Variants in GALNT9 observed in about 807,000 individuals in gnomAD.
GALNT9 encodes GalNAc transferase 9.
A neutral mutation model predicts 63.1 loss-of-function variants in GALNT9; 47 were observed. That is an observed-to-expected ratio of 0.75 (90% CI 0.59 to 0.95). The LOEUF (loss-of-function observed/expected upper bound fraction) is 0.95. Ranked by LOEUF, GALNT9 falls within the 40% of genes least tolerant of loss-of-function variation. The probability of loss-of-function intolerance (pLI) is 0.00; values close to 1 mark genes in which losing one functional copy is unlikely to be tolerated. For synonymous variants in GALNT9, 396 were observed against 365.7 expected, an observed-to-expected ratio of 1.08 and a Z score of -0.94; for missense variants, 829 against 874.8, an observed-to-expected ratio of 0.95 and a Z score of 0.66.
In GALNT9 at chr12:132,282,213, C is replaced by A. The variant is rs1555241732; in HGVS notation, c.419+4037G>T. Among the ~76,000 whole-genome samples the A allele has an allele frequency of 6.8e-6, 1 of 148,054 alleles. No individual in the cohort carries two copies. Among genetic ancestry groups the A allele is most frequent in the Non-Finnish European group, 1.5e-5 (1 of 67,592 alleles). On this transcript the variant is annotated intron_variant, in intron 2 of 10. Transcript: ENST00000328957. This position sits in a 1 kb window ranked among gnomAD's most constrained non-coding sequence, Gnocchi z 4.5. ...GTCCCTGATCCCACAGAAGAGGAAT[C>A]AGCTCCACTGCAGCAAGGCCAGGCC...
intron 1 of GALNT9, among the ~76,000 whole-genome samples, chr12:132,299,852 C>G (rs1198139239): frequency 1.3e-4 from 18 of 134,424 alleles, no homozygotes; most frequent in East Asian, 1.0e-3. Flanking sequence ...AGATGACCAA[C>G]CCACTCCTGA....
chr12:132,254,846 A>G (rs1287529626), intron 5 of GALNT9, among the ~76,000 whole-genome samples: 1 of 152,198 alleles, frequency 6.6e-6, no homozygotes, highest in Non-Finnish European at 1.5e-5. Flanking sequence ...AATGATAAAC[A>G]ATACAGGACA....
At chr12:132,314,741 G>C (rs1277833375) in intron 1 of GALNT9, among the ~76,000 whole-genome samples, 1 of 152,190 alleles carries the variant, frequency 6.6e-6, no homozygotes, top group African/African-American at 2.4e-5. Flanking sequence ...TGCACAGTAT[G>C]GCAGTCATTC....
rs181072269 is a variant in GALNT9 at position 132,318,294 on chromosome 12, C to A, written c.238+10672G>T. Among the ~76,000 whole-genome samples the A allele has an allele frequency of 1.7e-3, 258 of 152,380 alleles. 1 individual carries two copies. Among genetic ancestry groups the A allele is most frequent in the African/African-American group, 6.0e-3 (251 of 41,592 alleles). On this transcript the variant is annotated intron_variant, in intron 1 of 10. Coordinates refer to ENST00000328957, the MANE Select transcript of GALNT9 (RefSeq NM_001122636.2). ...GGCGGCAGGACGCTGACCAAGAACG[C>A]TGGATGATGCATGGGGCTGGGCGGG...
At chr12:132,324,111 TC>T (rs1868923878) in intron 1 of GALNT9, among the ~76,000 whole-genome samples, 2 of 152,174 alleles carry the variant, frequency 1.3e-5, no homozygotes. Flanking sequence ...AAACCGCACT[TC>T]CTAGCAAGGA....
At chr12:132,317,859 G>A (rs1868594792) in intron 1 of GALNT9, among the ~76,000 whole-genome samples, 1 of 152,216 alleles carries the variant, frequency 6.6e-6, no homozygotes, top group Admixed American at 6.5e-5. Context: ...CGGTCGACCT[G>A]GCACCTCTAG....
chr12:132,299,836 C>T (rs1324733165), intron 1 of GALNT9, among the ~76,000 whole-genome samples: 2 of 124,976 alleles, frequency 1.6e-5, no homozygotes, highest in African/African-American at 3.0e-5. Flanking sequence ...ACCTAACCCA[C>T]CCCTGAGATG....
rs766446474 is a variant in GALNT9, at chr12:132,197,821, G to T, written c.1636C>A (p.Pro546Thr). 1.9e-6 allele frequency: 3 copies of T among 1,596,910 alleles called. No homozygotes were observed. The highest frequency in any genetic ancestry group is 1.1e-5 in the South Asian group (1 of 88,040). The part of the protein sequence containing the change: ...TLKKCEDVAR[P>T]TQRLWDFTQS... ...GTGAAGTCCCACAGCCGCTGTGTTG[G>T]CCGCGCCACATCCTCACACTTCTTC... The change falls in exon 10 of 11, where the codon CCA becomes ACA. Residue 546 changes from proline to threonine, a missense_variant. By Grantham distance (38) the Pro-to-Thr change is conservative. Transcript: ENST00000328957.
rs527673209 is a variant in GALNT9 at position 132,311,046 on chromosome 12, C to T, written c.238+17920G>A. Among the ~76,000 whole-genome samples, 241 of 152,274 alleles carry T rather than the reference C, an allele frequency of 1.6e-3. 1 individual carries two copies. The highest frequency in any genetic ancestry group is 2.7e-3 in the Non-Finnish European group (181 of 68,024). ...CTGTGAGCCAGACCAACCTGCCTCC[C>T]GCTGAAAAGCACTAAGAATACTGGA... On this transcript the variant is annotated intron_variant, in intron 1 of 10. Coordinates refer to ENST00000328957, the MANE Select transcript of GALNT9 (RefSeq NM_001122636.2).
chr12:132,248,608 C>A (rs1555238282), intron 5 of GALNT9, among the ~76,000 whole-genome samples: 1 of 152,206 alleles, frequency 6.6e-6, no homozygotes, highest in African/African-American at 2.4e-5. Flanking sequence ...GCCAGGACTG[C>A]AATGGGCAGT....
At chr12:132,256,402 G>A (rs1174901157) in intron 5 of GALNT9, among the ~76,000 whole-genome samples, 1 of 151,956 alleles carries the variant, frequency 6.6e-6, no homozygotes, top group Non-Finnish European at 1.5e-5. Flanking sequence ...TCCGTGATGT[G>A]GGTGGAGTCT....
At chr12:132,203,028 G>A (rs919732987) in intron 7 of GALNT9, among the ~76,000 whole-genome samples, 1 of 152,166 alleles carries the variant, frequency 6.6e-6, no homozygotes, top group Non-Finnish European at 1.5e-5. Flanking sequence ...GCCATGGTGG[G>A]GGTGACCTGG....
Position 132,245,886 on chromosome 12 carries a change from GACC to G in GALNT9, c.1077+2021_1077+2023del, listed in dbSNP as rs1402050095. Among the ~76,000 whole-genome samples the G allele has an allele frequency of 1.3e-5, 2 of 152,162 alleles. No individual in the cohort carries two copies. Among genetic ancestry groups the G allele is most frequent in the African/African-American group, 2.4e-5 (1 of 41,442 alleles). On this transcript the variant is annotated intron_variant, in intron 6 of 10. Transcript: ENST00000328957. The surrounding 1 kb of genome is among the most constrained non-coding windows in gnomAD (Gnocchi z 6.3). ...TCACTGACGGTGGCTCTGTCCCCAG[GACC>G]ACATCTGCTGGGTGCCCTCCACCCC... is the stretch of plus-strand genomic sequence containing the variant.
intron 4 of GALNT9, 76 bp downstream of exon 4, chr12:132,260,871 GC>G (rs1879349355): frequency 6.9e-7 from 1 of 1,441,892 alleles, no homozygotes; most frequent in South Asian, 1.5e-5. Context: ...CCAGGCTGCA[GC>G]CGCACGGCGG....
chr12:132,220,988 T>G (rs1259718256), intron 6 of GALNT9, among the ~76,000 whole-genome samples: 1 of 123,644 alleles, frequency 8.1e-6, no homozygotes, highest in Non-Finnish European at 1.6e-5. Context: ...ACCTGGGAGG[T>G]GGAGGTTGCA....
In GALNT9 at chr12:132,257,728, T is replaced by A; in HGVS notation, c.920A>T (p.Gln307Leu). The A allele has an allele frequency of 6.5e-7, 1 of 1,550,254 alleles. No homozygotes were observed. The highest frequency in any genetic ancestry group is 1.4e-5 in the African/African-American group (1 of 73,110). ...CTCGTCGCCGCGGTCCAGCCAGTCCTGCGGGGGGATGATGTACATGCACCA... is the reference window on the plus strand; with the variant it reads ...CTCGTCGCCGCGGTCCAGCCAGTCCAGCGGGGGGATGATGTACATGCACCA... The part of the protein sequence containing the change: ...GLWCMYIIPP[Q>L]DWLDRGDESA... Residue 307 changes from glutamine to leucine, a missense_variant, in exon 5 of 11, where the codon CAG becomes CTG. Coordinates refer to ENST00000328957, the MANE Select transcript of GALNT9 (RefSeq NM_001122636.2).
chr12:132,213,480 C>CCACACCCACAGT (rs113232434), intron 6 of GALNT9, among the ~76,000 whole-genome samples: 115,464 of 150,566 alleles, frequency 0.77, 44,445 homozygotes, highest in East Asian at 1. Flanking sequence ...ACACTCACAC[C>CCACACCCACAGT]CACACACACG....
chr12:132,303,362 T>A (rs547695714), intron 1 of GALNT9, among the ~76,000 whole-genome samples: 1 of 148,172 alleles, frequency 6.7e-6, no homozygotes, highest in African/African-American at 2.5e-5. Flanking sequence ...AGAGGAGAGA[T>A]GAGAAGCAGC....
chr12:132,297,382 TC>T (rs1437144891), intron 1 of GALNT9, among the ~76,000 whole-genome samples: 5 of 149,862 alleles, frequency 3.3e-5, no homozygotes, highest in African/African-American at 1.2e-4. Flanking sequence ...ACCAACTCAC[TC>T]CCATGATAAC....
Sources: allele counts gnomAD v4.1 joint callset (sites outside exome capture counted in the v4.1 genomes callset), GRCh38; gene constraint gnomAD v4.1.1; non-coding constraint Gnocchi (gnomAD v3.1); transcripts MANE v1.5; gene names NCBI Gene and HGNC (gene_info 2026-07-23, HGNC 2026-07-21).